The following FAM13A variants were observed in gnomAD, a reference collection of about 807,000 sequenced individuals.
FAM13A encodes protein FAM13A.
Under a neutral mutation model 129.6 loss-of-function variants are expected in FAM13A, and 76 were observed. The observed-to-expected ratio is 0.59, with a 90% CI of 0.49 to 0.71. The LOEUF is 0.71. Ranked by LOEUF, FAM13A falls within the 30% of genes least tolerant of loss-of-function variation. The probability of loss-of-function intolerance (pLI) is 0.00; values close to 1 mark genes in which losing one functional copy is unlikely to be tolerated. For missense variants in FAM13A, 1,108 were observed against 1,249.3 expected (o/e 0.89, Z 1.70); for synonymous variants, 443 against 449.9 (o/e 0.98, Z 0.20).
intron 4 of FAM13A, 144 bp from the exon 5 acceptor site, chr4:88,938,385 G>T: frequency 3.3e-6 from 2 of 600,660 alleles, no homozygotes; most frequent in East Asian, 2.9e-5. Context: ...TTGGTAACAT[G>T]CATGACATTG....
chr4:88,796,701 A>C (rs1726249653), intron 8 of FAM13A, among the ~76,000 whole-genome samples: 1 of 142,144 alleles, frequency 7.0e-6, no homozygotes, highest in African/African-American at 2.5e-5. Flanking sequence ...CAAATGGTAT[A>C]GTTCAACTAG....
chr4:88,739,764 G>A (rs999379269), intron 19 of FAM13A, among the ~76,000 whole-genome samples: 1 of 134,426 alleles, frequency 7.4e-6, no homozygotes, highest in African/African-American at 3.0e-5. Flanking sequence ...TCCAGCCTGG[G>A]TGACAGAGAA....
At chr4:89,022,801 T>C (rs1442822390) in intron 2 of FAM13A, among the ~76,000 whole-genome samples, 1 of 152,188 alleles carries the variant, frequency 6.6e-6, no homozygotes. Flanking sequence ...TATTAGCTAC[T>C]GGCCACGGGC....
At chr4:89,028,771 T>TAA (rs33910983) in intron 2 of FAM13A, among the ~76,000 whole-genome samples, 14,864 of 137,868 alleles carry the variant, frequency 0.11, 812 homozygotes, top group African/African-American at 0.15. Flanking sequence ...TTAAAGTACA[T>TAA]AAAAAAAAAA....
chr4:89,003,240 T>A (rs1764505570), intron 3 of FAM13A, among the ~76,000 whole-genome samples: 1 of 143,790 alleles, frequency 7.0e-6, no homozygotes, highest in Non-Finnish European at 1.5e-5. Context: ...ATGGATAAAT[T>A]ACTTTTTTTT....
At chr4:88,741,114 T>TA (rs1183973877) in intron 19 of FAM13A, among the ~76,000 whole-genome samples, 1 of 152,218 alleles carries the variant, frequency 6.6e-6, no homozygotes, top group East Asian at 1.9e-4. Flanking sequence ...CAGTACCTAC[T>TA]AAAGCTGAAC....
intron 3 of FAM13A, among the ~76,000 whole-genome samples, chr4:88,993,774 G>A (rs563107191): frequency 1.4e-4 from 21 of 152,222 alleles, no homozygotes; most frequent in Non-Finnish European, 4.4e-5. Flanking sequence ...GCCGAGGTGG[G>A]CAGATCACCA....
chr4:88,851,148 G>A lies in FAM13A; in HGVS notation c.879C>T (p.Ala293=), dbSNP rs1347942599. 6.2e-7 allele frequency: 1 copy of A among 1,612,774 alleles called. No homozygotes were observed. Among genetic ancestry groups the A allele is most frequent in the Non-Finnish European group, 8.5e-7 (1 of 1,179,370 alleles). ...PKSRSEGSIQ[A]HRVLQPELSD... is the part of the protein sequence containing the mutation. Reference sequence around the variant, plus strand: ...ATAGCTCTGGTTGCAGTACTCTGTGGGCCTGAATAGATCCCTCACTCCTGG... The same window carrying A: ...ATAGCTCTGGTTGCAGTACTCTGTGAGCCTGAATAGATCCCTCACTCCTGG... The change falls in exon 7 of 24, where the codon GCC becomes GCT. Residue 293 remains alanine, a synonymous_variant. Coordinates refer to ENST00000264344, the MANE Select transcript of FAM13A (RefSeq NM_014883.4).
chr4:89,032,681 T>C (rs976441823), intron 1 of FAM13A, among the ~76,000 whole-genome samples: 2 of 152,222 alleles, frequency 1.3e-5, no homozygotes, highest in Admixed American at 6.5e-5. Context: ...CTGATTGTAG[T>C]AAATATTTAT....
intron 11 of FAM13A, among the ~76,000 whole-genome samples, chr4:88,775,944 A>G (rs886616860): frequency 3.9e-5 from 6 of 152,348 alleles, no homozygotes; most frequent in Admixed American, 2.6e-4. Flanking sequence ...TTTACTTGCC[A>G]TAGCTATGAA....
chr4:88,921,022 A>G (rs1276711213), intron 5 of FAM13A, among the ~76,000 whole-genome samples: 1 of 152,128 alleles, frequency 6.6e-6, no homozygotes, highest in Non-Finnish European at 1.5e-5. Context: ...AAAGAAATGA[A>G]CAAAGCCCCC....
chr4:89,032,656 A>G (rs1171698332), intron 1 of FAM13A, among the ~76,000 whole-genome samples: 1 of 152,222 alleles, frequency 6.6e-6, no homozygotes, highest in Non-Finnish European at 1.5e-5. Flanking sequence ...AAAATAGGAT[A>G]GTTAACAAAA....
intron 5 of FAM13A, among the ~76,000 whole-genome samples, chr4:88,922,434 C>G (rs901215269): frequency 6.6e-6 from 1 of 152,086 alleles, no homozygotes; most frequent in Non-Finnish European, 1.5e-5. Context: ...AACTGAACAA[C>G]CTGCTCCTGA....
chr4:89,015,707 T>C (rs932980052), intron 3 of FAM13A, among the ~76,000 whole-genome samples: 4 of 152,210 alleles, frequency 2.6e-5, no homozygotes, highest in African/African-American at 9.6e-5. Context: ...ATTCTATTTA[T>C]ACATATATGT....
intron 6 of FAM13A, among the ~76,000 whole-genome samples, chr4:88,866,167 C>T (rs989982302): frequency 1.3e-5 from 2 of 152,114 alleles, no homozygotes; most frequent in Admixed American, 6.5e-5. Context: ...CTGCCTCAGC[C>T]TCCCGAGTAG....
intron 1 of FAM13A, among the ~76,000 whole-genome samples, chr4:89,032,066 A>C (rs1768761471): frequency 6.6e-6 from 1 of 151,960 alleles, no homozygotes; most frequent in Non-Finnish European, 1.5e-5. Flanking sequence ...AAAAATACAA[A>C]AAATAAAAAT....
At chr4:89,020,882 T>C (rs529792495) in intron 2 of FAM13A, among the ~76,000 whole-genome samples, 1 of 152,288 alleles carries the variant, frequency 6.6e-6, no homozygotes, top group African/African-American at 2.4e-5. Context: ...TCATATATGA[T>C]TGGTATAAAA....
intron 11 of FAM13A, among the ~76,000 whole-genome samples, chr4:88,777,810 C>G (rs1356561860): frequency 1.3e-5 from 2 of 152,180 alleles, no homozygotes; most frequent in Non-Finnish European, 2.9e-5. Flanking sequence ...TCCCATCTTT[C>G]TACCAACCCT....
intron 1 of FAM13A, among the ~76,000 whole-genome samples, chr4:89,054,872 T>A (rs1022193211): frequency 6.6e-6 from 1 of 152,120 alleles, no homozygotes; most frequent in East Asian, 1.9e-4. Context: ...AGGGAAACGC[T>A]GTCCCAGGCC....
Sources: allele counts gnomAD v4.1 joint callset (sites outside exome capture counted in the v4.1 genomes callset), GRCh38; gene constraint gnomAD v4.1.1; transcripts MANE v1.5; gene names NCBI Gene and HGNC (gene_info 2026-07-23, HGNC 2026-07-21).